VPS13B: variants seen among roughly 807,000 people sequenced by gnomAD.
The protein encoded by VPS13B is intermembrane lipid transfer protein VPS13B.
In VPS13B, 285 loss-of-function variants were observed where a neutral mutation model predicts 426.4. The ratio of observed to expected loss-of-function variants is 0.67; its 90% confidence interval spans 0.61 to 0.74. The LOEUF (loss-of-function observed/expected upper bound fraction) is 0.74. VPS13B is among the 30% of genes least tolerant of loss of function. The pLI is 0.00. For missense variants in VPS13B, 4,537 were observed against 4,782.6 expected, an observed-to-expected ratio of 0.95 and a Z score of 1.51; for synonymous variants, 1,676 against 1,676.4, an observed-to-expected ratio of 1.00 and a Z score of 0.01.
At chr8:99,359,775 C>T (rs2133231681) in intron 19 of VPS13B, among the ~76,000 whole-genome samples, 1 of 152,266 alleles carries the variant, frequency 6.6e-6, no homozygotes, top group South Asian at 2.1e-4. Flanking sequence ...ACATTAGAAT[C>T]AGCGTACAAC....
intron 24 of VPS13B, among the ~76,000 whole-genome samples, chr8:99,478,907 T>TAG (rs1267708803): frequency 6.6e-6 from 1 of 152,198 alleles, no homozygotes; most frequent in Non-Finnish European, 1.5e-5. Context: ...ATGAAATAGT[T>TAG]TTTCTAAGAT....
intron 35 of VPS13B, among the ~76,000 whole-genome samples, chr8:99,693,756 G>T (rs1331794886): frequency 1.4e-5 from 2 of 146,148 alleles, no homozygotes; most frequent in Admixed American, 1.4e-4. Flanking sequence ...AAGTCAAATT[G>T]TCCCTGTTTG....
intron 3 of VPS13B, among the ~76,000 whole-genome samples, chr8:99,051,112 A>G (rs968394074): frequency 3.9e-5 from 6 of 152,148 alleles, no homozygotes; most frequent in South Asian, 2.1e-4. Flanking sequence ...GCCCATGCCT[A>G]TGTCCTGAAT....
At chr8:99,063,279 G>C (rs1015300429) in intron 3 of VPS13B, among the ~76,000 whole-genome samples, 2 of 152,216 alleles carry the variant, frequency 1.3e-5, no homozygotes, top group African/African-American at 4.8e-5. Flanking sequence ...CGCCTCACCC[G>C]GGAAGTGCAA....
At chr8:99,673,630 C>T (rs1264373591) in intron 35 of VPS13B, among the ~76,000 whole-genome samples, 1 of 151,478 alleles carries the variant, frequency 6.6e-6, no homozygotes, top group African/African-American at 2.4e-5. Flanking sequence ...TTTTATTTCC[C>T]TCCTTCTACT....
chr8:99,781,927 T>C (rs1349387740), intron 42 of VPS13B, among the ~76,000 whole-genome samples: 3 of 152,190 alleles, frequency 2.0e-5, no homozygotes, highest in African/African-American at 7.2e-5. Flanking sequence ...CAGTTCATGT[T>C]GATTATATAA....
chr8:99,819,777 C>A, intron 48 of VPS13B, 144 bp from the exon 49 acceptor site: 1 of 1,266,476 alleles, frequency 7.9e-7, no homozygotes, highest in Non-Finnish European at 1.1e-6. Flanking sequence ...TTGCTTTCTC[C>A]TGCATGCAAA....
chr8:99,082,129 T>C (rs1473669379), intron 3 of VPS13B, among the ~76,000 whole-genome samples: 2 of 152,208 alleles, frequency 1.3e-5, no homozygotes, highest in East Asian at 3.9e-4. Flanking sequence ...ACCTGTTGTT[T>C]CCTGACTTTT....
At chr8:99,413,879 G>A (rs1005140235) in intron 21 of VPS13B, among the ~76,000 whole-genome samples, 1 of 152,164 alleles carries the variant, frequency 6.6e-6, no homozygotes, top group Non-Finnish European at 1.5e-5. Context: ...AGTGTGATGT[G>A]GTGCTGAAAA....
chr8:99,508,907 T>TA (rs945407315), intron 28 of VPS13B, among the ~76,000 whole-genome samples: 35 of 148,440 alleles, frequency 2.4e-4, no homozygotes, highest in African/African-American at 3.9e-4. Context: ...ATGCAGCAAT[T>TA]AAAAAAAAAA....
chr8:99,133,942 A>G (rs1021151499), intron 8 of VPS13B, among the ~76,000 whole-genome samples: 1 of 152,206 alleles, frequency 6.6e-6, no homozygotes, highest in Non-Finnish European at 1.5e-5. Flanking sequence ...TATTGGGAAA[A>G]TGGTGCTGAT....
chr8:99,856,530 C>T (rs545297118), intron 56 of VPS13B, among the ~76,000 whole-genome samples: 15 of 152,180 alleles, frequency 9.9e-5, no homozygotes, highest in Non-Finnish European at 2.1e-4. Flanking sequence ...GTGGTATCAA[C>T]TTGAAGAGGT....
chr8:99,546,661 A>G (rs565844724), intron 30 of VPS13B, among the ~76,000 whole-genome samples: 2 of 152,140 alleles, frequency 1.3e-5, no homozygotes, highest in East Asian at 1.9e-4. Context: ...TATTATTACT[A>G]TCATTTATGT....
At chr8:99,747,872 G>T (rs577064556) in intron 39 of VPS13B, among the ~76,000 whole-genome samples, 11 of 151,910 alleles carry the variant, frequency 7.2e-5, no homozygotes, top group African/African-American at 2.7e-4. Flanking sequence ...GGGCGGCAGG[G>T]TCAGGAGAAG....
intron 35 of VPS13B, among the ~76,000 whole-genome samples, chr8:99,699,122 A>C (rs1430036872): frequency 1.3e-5 from 2 of 150,354 alleles, no homozygotes; most frequent in Non-Finnish European, 3.0e-5. Context: ...TCTGGGTAGT[A>C]AGGAAAGTCT....
intron 11 of VPS13B, among the ~76,000 whole-genome samples, chr8:99,135,954 C>T (rs559789662): frequency 6.6e-6 from 1 of 151,822 alleles, no homozygotes; most frequent in East Asian, 1.9e-4. Flanking sequence ...TTATTTATGC[C>T]CTGCTTCAAA....
At chr8:99,783,760 A>G (rs1299862767) in intron 42 of VPS13B, among the ~76,000 whole-genome samples, 5 of 152,190 alleles carry the variant, frequency 3.3e-5, no homozygotes, top group Non-Finnish European at 7.3e-5. Flanking sequence ...CCTCTTAACA[A>G]TAGAGGGAAA....
rs1035163451 is a variant in VPS13B at position 99,606,457 on chromosome 8, G to C, written c.5220+28824G>C. 2.5e-5 allele frequency among the ~76,000 whole-genome samples: 3 copies of C among 121,108 alleles called. No homozygotes were observed. The Admixed American group carries it at 3.3e-4, about 13-fold the overall frequency. 79.5% of individuals were successfully genotyped at this position (121,108 alleles called of 152,430 possible). ...AGGCTGAAGGATCACTTAAGCTCAG[G>C]AATTCAAGAGCAGCCCAGACAACAT... On this transcript the variant is annotated intron_variant, in intron 33 of 61. Coordinates refer to ENST00000357162, the MANE Select transcript of VPS13B (RefSeq NM_152564.5).
intron 23 of VPS13B, among the ~76,000 whole-genome samples, chr8:99,464,530 A>C (rs1269449611): frequency 1.3e-5 from 2 of 152,186 alleles, no homozygotes; most frequent in African/African-American, 4.8e-5. Flanking sequence ...CAACATTGAC[A>C]AAAACGTTTT....
Sources: allele counts gnomAD v4.1 joint callset (sites outside exome capture counted in the v4.1 genomes callset), GRCh38; gene constraint gnomAD v4.1.1; transcripts MANE v1.5; gene names NCBI Gene and HGNC (gene_info 2026-07-23, HGNC 2026-07-21).